Variants in MCTP1 observed in about 807,000 individuals in gnomAD.
MCTP1 encodes the protein multiple C2 and transmembrane domain containing 1.
MCTP1 carries 69 observed loss-of-function variants against 120.6 expected under a neutral mutation model. The ratio of observed to expected loss-of-function variants is 0.57; its 90% CI spans 0.47 to 0.70. The LOEUF (loss-of-function observed/expected upper bound fraction) is 0.70. Ranked by LOEUF, MCTP1 falls within the 30% of genes least tolerant of loss-of-function variation. The pLI is 0.00. For missense variants in MCTP1, 1,203 were observed against 1,248.8 expected (o/e 0.96, Z 0.55); for synonymous variants, 529 against 493.1 (o/e 1.07, Z -0.96).
intron 17 of MCTP1, among the ~76,000 whole-genome samples, chr5:94,850,695 C>G (rs1417454230): frequency 6.6e-6 from 1 of 152,022 alleles, no homozygotes; most frequent in Non-Finnish European, 1.5e-5. Flanking sequence ...TCTTTTCTTT[C>G]TGAATAATGT....
chr5:94,952,171 CA>C lies in MCTP1; in HGVS notation c.981+1047del, dbSNP rs57358026. Among the ~76,000 whole-genome samples the C allele has an allele frequency of 6.9e-4, 61 of 87,874 alleles. 1 individual carries two copies. Among genetic ancestry groups the C allele is most frequent in the South Asian group, 2.6e-3 (6 of 2,284 alleles). The allele number at this position is 87,874 out of a possible 152,430, so 57.6% of individuals were successfully genotyped here. A position where few individuals can be genotyped will look rare whatever the true frequency, so the allele number is the denominator to read the frequency against. On this transcript the variant is annotated intron_variant, in intron 3 of 22. Transcript: ENST00000515393. ...TGGGTGACAGAATGAGACTTTGTCG[CA>C]AAAAAAAAAAAAAAAAAAAAAGCTA...
intron 1 of MCTP1, among the ~76,000 whole-genome samples, chr5:95,278,252 G>A (rs1410209649): frequency 6.6e-6 from 1 of 152,098 alleles, no homozygotes; most frequent in East Asian, 1.9e-4. Flanking sequence ...AATTAAAATG[G>A]CACATAAAGT....
chr5:95,100,709 C>A (rs1756660230), intron 1 of MCTP1, among the ~76,000 whole-genome samples: 1 of 152,168 alleles, frequency 6.6e-6, no homozygotes, highest in South Asian at 2.1e-4. Context: ...GCACCTAGCA[C>A]CCCTTAACTA....
chr5:95,013,857 TAAG>T (rs1326614118), intron 2 of MCTP1, among the ~76,000 whole-genome samples: 1 of 152,152 alleles, frequency 6.6e-6, no homozygotes, highest in African/African-American at 2.4e-5. Context: ...GCTTATAATT[TAAG>T]AATACATTCT....
chr5:94,710,551 A>G (rs1756538904), intron 21 of MCTP1: 1 of 345,764 alleles, frequency 2.9e-6, no homozygotes, highest in Non-Finnish European at 5.2e-6. Context: ...TATCTAGACA[A>G]AGCTACACTT....
At chr5:94,933,660 GA>G (rs1039951178) in intron 5 of MCTP1, among the ~76,000 whole-genome samples, 5 of 151,596 alleles carry the variant, frequency 3.3e-5, no homozygotes, top group African/African-American at 1.2e-4. Flanking sequence ...TAGCATCTAA[GA>G]ATTTTATAAT....
rs1302014880 is a variant in MCTP1, at chr5:94,931,987, A to G, written c.1178T>C (p.Met393Thr). 6.3e-7 allele frequency: 1 copy of G among 1,594,120 alleles called. No individual in the cohort carries two copies. Among genetic ancestry groups the G allele is most frequent in the Non-Finnish European group, 8.6e-7 (1 of 1,163,266 alleles). Residue 393 changes from methionine to threonine, a missense_variant, in exon 6 of 23, where the codon ATG becomes ACG. By Grantham distance (81) the Met-to-Thr change is moderately conservative. Transcript: ENST00000515393. ...TCTTTTCCAACTCTTCCTCATTAGC[A>G]TTGTCTGTAAATAAAATAAAGCATT... is the stretch of plus-strand genomic sequence containing the variant. Reference protein sequence around the residue: ...PKEGESRDVTMLMRKSWKRSS... With the variant: ...PKEGESRDVTTLMRKSWKRSS...
chr5:94,929,692 CAG>C, intron 6 of MCTP1: 1 of 985,128 alleles, frequency 1.0e-6, no homozygotes, highest in African/African-American at 1.7e-5. Flanking sequence ...TTCAATGTAG[CAG>C]AGTGTGTGAA....
intron 18 of MCTP1, among the ~76,000 whole-genome samples, chr5:94,784,608 GT>G (rs1249161544): frequency 6.6e-6 from 1 of 151,990 alleles, no homozygotes; most frequent in African/African-American, 2.4e-5. Flanking sequence ...GGGATATACT[GT>G]TTCATCCAGT....
At chr5:94,950,937 ACT>A (rs1458455245) in intron 3 of MCTP1, among the ~76,000 whole-genome samples, 2 of 135,052 alleles carry the variant, frequency 1.5e-5, no homozygotes, top group East Asian at 2.2e-4. Flanking sequence ...ACAGAGCAAG[ACT>A]CTGTCTCAAA....
chr5:95,250,896 C>T (rs1250969586), intron 1 of MCTP1, among the ~76,000 whole-genome samples: 1 of 152,120 alleles, frequency 6.6e-6, no homozygotes, highest in African/African-American at 2.4e-5. Flanking sequence ...AGCTACTCAA[C>T]AAATATCTGT....
intron 1 of MCTP1, among the ~76,000 whole-genome samples, chr5:95,280,416 T>TA (rs143928878): frequency 0.019 from 2,867 of 152,306 alleles, 55 homozygotes; most frequent in Middle Eastern, 0.041. Context: ...GTTAAAATAC[T>TA]AAAAAAATGC....
intron 2 of MCTP1, among the ~76,000 whole-genome samples, chr5:94,993,823 T>C (rs1832078193): frequency 6.6e-6 from 1 of 152,192 alleles, no homozygotes; most frequent in Admixed American, 6.6e-5. Flanking sequence ...AATAAAATGT[T>C]CTTGGGAGTG....
At chr5:94,921,551 G>A (rs1811670675) in intron 7 of MCTP1, among the ~76,000 whole-genome samples, 1 of 152,174 alleles carries the variant, frequency 6.6e-6, no homozygotes, top group African/African-American at 2.4e-5. Context: ...TAGACATTTT[G>A]CATATCTGAA....
chr5:95,215,772 CTT>C (rs1451982877), intron 1 of MCTP1, among the ~76,000 whole-genome samples: 2 of 152,086 alleles, frequency 1.3e-5, no homozygotes, highest in Non-Finnish European at 2.9e-5. Context: ...ACTCTGAAAT[CTT>C]TGAGCCAGCA....
intron 19 of MCTP1, among the ~76,000 whole-genome samples, chr5:94,732,949 T>C (rs539557419): frequency 6.6e-6 from 1 of 152,218 alleles, no homozygotes; most frequent in African/African-American, 2.4e-5. Flanking sequence ...TCAGGTATGG[T>C]TTATAAAATT....
At chr5:95,172,441 C>T (rs903350586) in intron 1 of MCTP1, among the ~76,000 whole-genome samples, 3 of 152,200 alleles carry the variant, frequency 2.0e-5, no homozygotes, top group African/African-American at 7.2e-5. Context: ...AGCTGTCAGA[C>T]AGGGACATTA....
intron 2 of MCTP1, among the ~76,000 whole-genome samples, chr5:94,955,480 C>T (rs1014305462): frequency 2.0e-5 from 3 of 152,132 alleles, no homozygotes. Context: ...TCAGTGGATC[C>T]TACCCCCATG....
At position 94,870,420 on chromosome 5, in the gene MCTP1, T is replaced by C. The variant is rs141690418; in HGVS notation, c.2313A>G (p.Lys771=). 1.2e-6 allele frequency: 2 copies of C among 1,607,008 alleles called. No homozygotes were observed. The highest frequency in any genetic ancestry group is 8.5e-7 in the Non-Finnish European group (1 of 1,173,876). The change falls in exon 16 of 23, where the codon AAA becomes AAG. Residue 771 remains lysine, a synonymous_variant. Coordinates refer to ENST00000515393, the MANE Select transcript of MCTP1 (RefSeq NM_024717.7). The stretch of plus-strand genomic sequence containing the variant: ...TTAATCTTTTCTTGCTTTTTACCTG[T>C]TTAGAGAGTCTGTTTTCCTCTTCAA... ...KYIEEENRLS[K]QLLLRNFIRM... is the part of the protein sequence containing the mutation.
Sources: allele counts gnomAD v4.1 joint callset (sites outside exome capture counted in the v4.1 genomes callset), GRCh38; gene constraint gnomAD v4.1.1; transcripts MANE v1.5; gene names NCBI Gene and HGNC (gene_info 2026-07-23, HGNC 2026-07-21).